UBE2E2: variants seen among roughly 807,000 people sequenced by gnomAD.
UBE2E2 encodes the protein ubiquitin-conjugating enzyme E2 E2.
Under a neutral mutation model 24.7 loss-of-function variants are expected in UBE2E2, and 6 were observed. The ratio of observed to expected loss-of-function variants is 0.24; its 90% confidence interval spans 0.13 to 0.48. The LOEUF is 0.48. Ranked by LOEUF, UBE2E2 falls within the 20% of genes least tolerant of loss-of-function variation. The pLI is 0.99. For missense variants in UBE2E2, 169 were observed against 245.0 expected (o/e 0.69, Z 2.07); for synonymous variants, 104 against 83.6 (o/e 1.24, Z -1.33).
intron 4 of UBE2E2, among the ~76,000 whole-genome samples, chr3:23,509,361 G>A (rs1694532576): frequency 2.0e-5 from 3 of 152,100 alleles, no homozygotes; most frequent in Admixed American, 2.0e-4. Context: ...CTTGAGAGAT[G>A]GGATGGGGAA....
At chr3:23,326,960 G>T (rs895376995) in intron 3 of UBE2E2, among the ~76,000 whole-genome samples, 2 of 152,126 alleles carry the variant, frequency 1.3e-5, no homozygotes, top group Admixed American at 6.5e-5. Flanking sequence ...TGCTGAGAAT[G>T]ATGGTTTCCA....
At chr3:23,524,524 T>A (rs1282551258) in intron 4 of UBE2E2, among the ~76,000 whole-genome samples, 2 of 152,128 alleles carry the variant, frequency 1.3e-5, no homozygotes, top group Non-Finnish European at 2.9e-5. Context: ...AAGTAATTCA[T>A]CCAAAAAGAG....
chr3:23,319,843 CA>C (rs557366508), intron 3 of UBE2E2, among the ~76,000 whole-genome samples: 1 of 149,582 alleles, frequency 6.7e-6, no homozygotes, highest in African/African-American at 2.5e-5. Flanking sequence ...AAACAAAAAA[CA>C]AAAAAAAACC....
In UBE2E2 at chr3:23,260,644, C is replaced by G. The variant is rs141989308; in HGVS notation, c.227+43332C>G. 2.3e-3 allele frequency among the ~76,000 whole-genome samples: 356 copies of G among 152,226 alleles called. 3 individuals carry two copies. Among genetic ancestry groups the G allele is most frequent in the African/African-American group, 8.2e-3 (340 of 41,542 alleles). ...CCTGGGCAACATAGTAAAACCCCAT[C>G]TCTACAAAAAGAAGGAAGTTAGCGA... On this transcript the variant is annotated intron_variant, in intron 3 of 5. Transcript: ENST00000396703.
chr3:23,494,129 A>G (rs1031208074), intron 3 of UBE2E2, among the ~76,000 whole-genome samples: 21 of 152,216 alleles, frequency 1.4e-4, no homozygotes, highest in Admixed American at 9.2e-4. Flanking sequence ...CTGTACTGCA[A>G]GTGTCCTCTG....
chr3:23,396,790 TA>T (rs1390105002), intron 3 of UBE2E2, among the ~76,000 whole-genome samples: 2 of 152,166 alleles, frequency 1.3e-5, no homozygotes, highest in Non-Finnish European at 2.9e-5. Context: ...GAGCACTCAA[TA>T]AATGTTGTTA....
chr3:23,208,890 A>G lies in UBE2E2; in HGVS notation c.176+15A>G. 6.3e-7 allele frequency: 1 copy of G among 1,590,964 alleles called. No individual in the cohort carries two copies. Among genetic ancestry groups the G allele is most frequent in the Non-Finnish European group, 8.6e-7 (1 of 1,168,364 alleles). On this transcript the variant is annotated intron_variant, in intron 2 of 5. Coordinates refer to ENST00000396703, the MANE Select transcript of UBE2E2 (RefSeq NM_152653.4). ...AGTGCTAAAAGGTACTTCAGTTATT[A>G]TAACCTTTTTATTGTTGGTATCAAT...
intron 4 of UBE2E2, among the ~76,000 whole-genome samples, chr3:23,510,359 C>T (rs943395540): frequency 6.6e-6 from 1 of 152,166 alleles, no homozygotes; most frequent in Admixed American, 6.5e-5. Flanking sequence ...GTAATCCCAG[C>T]ACTTTGGGAG....
At chr3:23,302,305 C>G (rs934565577) in intron 3 of UBE2E2, among the ~76,000 whole-genome samples, 2 of 152,202 alleles carry the variant, frequency 1.3e-5, no homozygotes, top group Admixed American at 6.5e-5. Flanking sequence ...TTCCCTTACC[C>G]TATCCAACCA....
intron 3 of UBE2E2, among the ~76,000 whole-genome samples, chr3:23,451,857 G>A (rs1265112072): frequency 6.6e-6 from 1 of 152,140 alleles, no homozygotes; most frequent in Non-Finnish European, 1.5e-5. Flanking sequence ...GAAAAAAATA[G>A]AGCAGTACCT....
chr3:23,445,869 T>A (rs980242672), intron 3 of UBE2E2, among the ~76,000 whole-genome samples: 2 of 152,126 alleles, frequency 1.3e-5, no homozygotes, highest in Non-Finnish European at 2.9e-5. Context: ...TAGGATTTGT[T>A]TTTCTAGCAG....
intron 2 of UBE2E2, among the ~76,000 whole-genome samples, chr3:23,214,435 G>A (rs762382860): frequency 3.8e-4 from 57 of 151,876 alleles, no homozygotes; most frequent in Non-Finnish European, 6.3e-4. Flanking sequence ...TGAATTTTTT[G>A]TAGAGGAGTC....
chr3:23,578,541 A>G (rs1009945867), intron 5 of UBE2E2, among the ~76,000 whole-genome samples: 11 of 152,236 alleles, frequency 7.2e-5, no homozygotes, highest in South Asian at 2.1e-4. Context: ...ATGCTCATCA[A>G]TTATAGACTG....
At chr3:23,509,210 T>C (rs1274049021) in intron 4 of UBE2E2, among the ~76,000 whole-genome samples, 1 of 152,244 alleles carries the variant, frequency 6.6e-6, no homozygotes, top group Non-Finnish European at 1.5e-5. Context: ...CCTTCTGTAG[T>C]ACTGAGCCAG....
chr3:23,366,034 T>G (rs1696248519), intron 3 of UBE2E2, among the ~76,000 whole-genome samples: 3 of 152,148 alleles, frequency 2.0e-5, no homozygotes, highest in Non-Finnish European at 4.4e-5. Flanking sequence ...ATATAATAAG[T>G]GGTGCTGTGA....
intron 3 of UBE2E2, among the ~76,000 whole-genome samples, chr3:23,310,495 G>A (rs144611261): frequency 5.5e-4 from 84 of 152,300 alleles, no homozygotes; most frequent in Non-Finnish European, 8.7e-4. Context: ...TTACTGCAGT[G>A]TGGAAAAGCT....
intron 3 of UBE2E2, among the ~76,000 whole-genome samples, chr3:23,440,284 A>G (rs1410482228): frequency 6.6e-6 from 1 of 152,118 alleles, no homozygotes; most frequent in Non-Finnish European, 1.5e-5. Flanking sequence ...AAAAGAAAAA[A>G]AGGAAAAATA....
intron 3 of UBE2E2, among the ~76,000 whole-genome samples, chr3:23,431,652 A>C (rs1698063553): frequency 6.6e-6 from 1 of 152,230 alleles, no homozygotes; most frequent in South Asian, 2.1e-4. Context: ...TGACATCTTC[A>C]GATCTCCTCT....
chr3:23,222,887 C>T (rs551400516), intron 3 of UBE2E2, among the ~76,000 whole-genome samples: 7 of 152,290 alleles, frequency 4.6e-5, no homozygotes, highest in Admixed American at 4.6e-4. Context: ...TCCGCTATTG[C>T]CGTCTGTTTG....
Sources: gnomAD v4.1 joint callset for allele counts (sites outside exome capture counted in the v4.1 genomes callset) on GRCh38, gnomAD v4.1.1 for gene constraint, MANE v1.5 for transcripts, NCBI Gene and HGNC (gene_info 2026-07-23, HGNC 2026-07-21) for gene names.